Variants in TRAF3 observed in about 807,000 individuals in gnomAD.
The protein encoded by TRAF3 is TNF receptor associated factor 3.
In TRAF3, 13 loss-of-function variants were observed where a neutral mutation model predicts 62.3. That is an observed-to-expected ratio of 0.21 (90% confidence interval 0.14 to 0.33). The LOEUF (loss-of-function observed/expected upper bound fraction) is 0.33. Among genes scored for constraint, TRAF3 ranks in the 10% least tolerant of loss-of-function variants. The pLI, the probability that TRAF3 is intolerant of heterozygous loss-of-function variation, is 1.00. For missense variants in TRAF3, 440 were observed against 741.8 expected (o/e 0.59, Z 4.73); for synonymous variants, 269 against 283.4 (o/e 0.95, Z 0.51).
intron 1 of TRAF3, among the ~76,000 whole-genome samples, chr14:102,818,763 G>A (rs953462507): frequency 7.9e-5 from 12 of 152,126 alleles, no homozygotes; most frequent in Non-Finnish European, 1.8e-4. Flanking sequence ...CTCTTCTGTG[G>A]CCATGGATGA....
intron 1 of TRAF3, among the ~76,000 whole-genome samples, chr14:102,819,312 C>T (rs1899751126): frequency 6.6e-6 from 1 of 152,144 alleles, no homozygotes; most frequent in African/African-American, 2.4e-5. Flanking sequence ...AGTGTTACAT[C>T]AGCACCTTTC....
intron 2 of TRAF3, among the ~76,000 whole-genome samples, chr14:102,842,734 G>A (rs1349215702): frequency 6.6e-6 from 1 of 152,104 alleles, no homozygotes; most frequent in African/African-American, 2.4e-5. Flanking sequence ...CAGAAGAAAA[G>A]ACACATTACA....
chr14:102,899,082 G>A (rs1017283614), intron 10 of TRAF3, among the ~76,000 whole-genome samples: 1 of 152,238 alleles, frequency 6.6e-6, no homozygotes, highest in African/African-American at 2.4e-5. Flanking sequence ...GCAGGGACAC[G>A]GCTCTGCCTG....
In TRAF3 at chr14:102,777,586, A is replaced by G. The variant is rs1344390351; in HGVS notation, c.-246A>G. On this transcript the variant is annotated 5_prime_UTR_variant, in exon 1 of 12. It removes an upstream start codon present in the reference 5' UTR. Transcript: ENST00000392745. Reference sequence around the variant, plus strand: ...CGCCGGCTCTTCCCCGCCCCCCGCCATGGGGCAGCCCGGGGAGCAGAACGC... The same window carrying G: ...CGCCGGCTCTTCCCCGCCCCCCGCCGTGGGGCAGCCCGGGGAGCAGAACGC... The G allele has an allele frequency of 2.1e-5, 3 of 143,344 alleles. No individual in the cohort carries two copies. Among genetic ancestry groups the G allele is most frequent in the African/African-American group, 7.5e-5 (3 of 39,926 alleles). 8.9% of individuals were successfully genotyped at this position (143,344 alleles called of 1,614,324 possible). A position where few individuals can be genotyped will look rare whatever the true frequency, so the allele number is the denominator to read the frequency against.
chr14:102,794,320 G>C lies in TRAF3; in HGVS notation c.-157+16645G>C, dbSNP rs752431227. On this transcript the variant is annotated intron_variant, in intron 1 of 11. Coordinates refer to ENST00000392745, the MANE Select transcript of TRAF3 (RefSeq NM_145725.3). ...CTCCCAAGCAGCTGGGACTACAGGT[G>C]CATGCCACCTTGCATGGCTAATTTC... Among the ~76,000 whole-genome samples, 6 of 152,206 alleles carry C rather than the reference G, an allele frequency of 3.9e-5. 1 individual carries two copies. Among genetic ancestry groups the C allele is most frequent in the Admixed American group, 2.0e-4 (3 of 15,280 alleles).
chr14:102,829,980 A>T (rs1180428853), intron 1 of TRAF3, among the ~76,000 whole-genome samples: 1 of 152,178 alleles, frequency 6.6e-6, no homozygotes, highest in African/African-American at 2.4e-5. Context: ...AAGATAAAAT[A>T]AAATAAATAA....
intron 1 of TRAF3, among the ~76,000 whole-genome samples, chr14:102,808,063 C>G (rs1021218459): frequency 6.6e-6 from 1 of 152,108 alleles, no homozygotes; most frequent in Non-Finnish European, 1.5e-5. Flanking sequence ...AATGCATGGT[C>G]CAGGTGTTTA....
intron 1 of TRAF3, among the ~76,000 whole-genome samples, chr14:102,820,454 T>G (rs1899829443): frequency 6.6e-6 from 1 of 150,988 alleles, no homozygotes; most frequent in African/African-American, 2.4e-5. Context: ...CAACATACGT[T>G]TTTCTGACTT....
intron 1 of TRAF3, among the ~76,000 whole-genome samples, chr14:102,822,233 C>T (rs542459849): frequency 2.1e-3 from 323 of 152,256 alleles, no homozygotes; most frequent in African/African-American, 7.3e-3. Context: ...CCGTGAAGCA[C>T]AATGGGAAGG....
intron 2 of TRAF3, 129 bp from the exon 3 acceptor site, chr14:102,870,056 G>A (rs1432801138): frequency 9.0e-7 from 1 of 1,109,696 alleles, no homozygotes; most frequent in Non-Finnish European, 1.4e-6. Context: ...ACATATTAAA[G>A]TTGGGAAGGA....
rs1341858484 is a variant in TRAF3, at chr14:102,903,075, A to G, written c.961-180A>G. The G allele has an allele frequency of 8.8e-6, 7 of 791,862 alleles. No individual in the cohort carries two copies. Among genetic ancestry groups the G allele is most frequent in the Non-Finnish European group, 1.5e-5 (7 of 464,956 alleles). 49.1% of individuals were successfully genotyped at this position (791,862 alleles called of 1,614,324 possible). A position where few individuals can be genotyped will look rare whatever the true frequency, so the allele number is the denominator to read the frequency against. On this transcript the variant is annotated intron_variant, in intron 10 of 11. Transcript: ENST00000392745. This position sits in a 1 kb window ranked among gnomAD's most constrained non-coding sequence, Gnocchi z 6.4. Reference sequence around the variant, plus strand: ...CCTGCCGGCACAAGCACTTGATCCCAGGGAGCTCCCAGGAGGCCTGATGCA... The same window carrying G: ...CCTGCCGGCACAAGCACTTGATCCCGGGGAGCTCCCAGGAGGCCTGATGCA...
intron 1 of TRAF3, among the ~76,000 whole-genome samples, chr14:102,779,783 G>A (rs1897195038): frequency 6.6e-6 from 1 of 152,224 alleles, no homozygotes; most frequent in African/African-American, 2.4e-5. Flanking sequence ...AGGAAATTGC[G>A]TTAAATTTGC....
At chr14:102,841,100 C>T (rs1886348384) in intron 2 of TRAF3, among the ~76,000 whole-genome samples, 1 of 152,204 alleles carries the variant, frequency 6.6e-6, no homozygotes, top group Non-Finnish European at 1.5e-5. Context: ...CTTAGTTTGT[C>T]TCGAGAGGCA....
intron 2 of TRAF3, among the ~76,000 whole-genome samples, chr14:102,833,517 A>G (rs1373329020): frequency 6.6e-6 from 1 of 152,236 alleles, no homozygotes; most frequent in Non-Finnish European, 1.5e-5. Context: ...TGTGAGGGGT[A>G]GCAAATTTAA....
chr14:102,848,419 C>A (rs1485752572), intron 2 of TRAF3, among the ~76,000 whole-genome samples: 8 of 152,026 alleles, frequency 5.3e-5, no homozygotes, highest in Non-Finnish European at 1.2e-4. Context: ...TAGACCAAGA[C>A]CCTGTCCCTT....
intron 1 of TRAF3, among the ~76,000 whole-genome samples, chr14:102,798,930 A>C (rs980746383): frequency 2.0e-5 from 3 of 152,168 alleles, no homozygotes; most frequent in Non-Finnish European, 4.4e-5. Context: ...GAGGCAATAG[A>C]ACAAAAAAAG....
rs377536600 is a variant in TRAF3, at chr14:102,872,062, T to G, written c.297+94T>G. ...GCATTCGGCACTCTGGCACAACACA[T>G]TCTCTCAGTTTTGGCAGCTGATGCG... On this transcript the variant is annotated intron_variant, in intron 4 of 11. Coordinates refer to ENST00000392745, the MANE Select transcript of TRAF3 (RefSeq NM_145725.3). The G allele has an allele frequency of 7.2e-5, 98 of 1,354,748 alleles. No individual in the cohort carries two copies. The South Asian group carries it at 1.1e-3, about 16-fold the overall frequency. 83.9% of individuals were successfully genotyped at this position (1,354,748 alleles called of 1,614,324 possible). A position where few individuals can be genotyped will look rare whatever the true frequency, so the allele number is the denominator to read the frequency against.
chr14:102,845,420 C>A (rs1886641017), intron 2 of TRAF3, among the ~76,000 whole-genome samples: 1 of 151,778 alleles, frequency 6.6e-6, no homozygotes, highest in African/African-American at 2.4e-5. Flanking sequence ...TCAGGCTGGT[C>A]TCGAACTCCT....
At chr14:102,871,082 C>T (rs1888314250) in intron 3 of TRAF3, among the ~76,000 whole-genome samples, 1 of 152,194 alleles carries the variant, frequency 6.6e-6, no homozygotes. Context: ...GTGCTGGGGT[C>T]GCTGCGGGAT....
Sources: gnomAD v4.1 joint callset for allele counts (sites outside exome capture counted in the v4.1 genomes callset) on GRCh38, gnomAD v4.1.1 for gene constraint, Gnocchi (gnomAD v3.1) non-coding constraint, MANE v1.5 for transcripts, NCBI Gene and HGNC (gene_info 2026-07-23, HGNC 2026-07-21) for gene names.